Variants in AUTS2 observed in about 807,000 individuals in gnomAD.
AUTS2 encodes the protein autism susceptibility gene 2 protein.
A neutral mutation model predicts 112.4 loss-of-function variants in AUTS2; 17 were observed. The observed-to-expected ratio is 0.15, with a 90% CI of 0.10 to 0.23. The LOEUF is 0.23. Ranked by LOEUF, AUTS2 falls within the 10% of genes least tolerant of loss-of-function variation. The pLI is 1.00. For missense variants in AUTS2, 1,510 were observed against 1,701.6 expected (o/e 0.89, Z 1.98); for synonymous variants, 751 against 702.7 (o/e 1.07, Z -1.09).
intron 5 of AUTS2, among the ~76,000 whole-genome samples, chr7:70,441,814 C>T (rs767475466): frequency 5.3e-5 from 8 of 152,200 alleles, no homozygotes; most frequent in Non-Finnish European, 1.0e-4. Context: ...TCAACACAAA[C>T]CACATGCCTA....
intron 5 of AUTS2, among the ~76,000 whole-genome samples, chr7:70,600,193 C>T (rs1803406428): frequency 6.6e-6 from 1 of 152,226 alleles, no homozygotes; most frequent in Non-Finnish European, 1.5e-5. Context: ...AAATGATTCA[C>T]AGTCCATCTT....
intron 4 of AUTS2, among the ~76,000 whole-genome samples, chr7:70,243,231 T>TTGTGTGTGTGTGTG (rs3078161): frequency 3.0e-5 from 4 of 131,670 alleles, no homozygotes; most frequent in Non-Finnish European, 1.6e-5. Flanking sequence ...GAATGTATCC[T>TTGTGTGTGTGTGTG]TGTGTGTGTG....
chr7:70,790,249 G>A lies in AUTS2; in HGVS notation c.3033G>A (p.Ser1011=), dbSNP rs773857623. Residue 1011 remains serine (S), a synonymous_variant, in exon 19 of 19, where the codon TCG becomes TCA. Coordinates refer to ENST00000342771, the MANE Select transcript of AUTS2 (RefSeq NM_015570.4). The surrounding 1 kb of genome is among the most constrained non-coding windows in gnomAD (Gnocchi z 7.6). ...CGGAGCCGCCGCCTCCCAACTCCTC[G>A]TCCAGCGTGCACCCGGGGCCCCTGG... ...RASEPPPPNS[S]SSVHPGPLAS... The A allele has an allele frequency of 6.8e-6, 11 of 1,612,778 alleles. No individual in the cohort carries two copies. Among genetic ancestry groups the A allele is most frequent in the East Asian group, 4.5e-5 (2 of 44,834 alleles).
At chr7:69,956,681 G>A (rs995757500) in intron 2 of AUTS2, among the ~76,000 whole-genome samples, 2 of 152,080 alleles carry the variant, frequency 1.3e-5, no homozygotes, top group Non-Finnish European at 2.9e-5. Context: ...AGCATCACTC[G>A]GGCTGTGAAA....
At chr7:70,776,126 A>G (rs757508667) in intron 13 of AUTS2, among the ~76,000 whole-genome samples, 1 of 152,252 alleles carries the variant, frequency 6.6e-6, no homozygotes, top group Non-Finnish European at 1.5e-5. Flanking sequence ...TCATTGCAAG[A>G]GAAGAGAACT....
chr7:70,783,538 T>TAGAC (rs1226058847), intron 15 of AUTS2: 1 of 152,250 alleles, frequency 6.6e-6, no homozygotes, highest in African/African-American at 2.4e-5. Flanking sequence ...TATAGGAACT[T>TAGAC]AGACAAAATG....
At chr7:69,721,428 C>G (rs559987666) in intron 1 of AUTS2, among the ~76,000 whole-genome samples, 4 of 152,336 alleles carry the variant, frequency 2.6e-5, no homozygotes, top group African/African-American at 9.6e-5. Flanking sequence ...ATTATCACCT[C>G]ACACATGGTT....
At chr7:69,788,134 T>TACCCC (rs1554371090) in intron 1 of AUTS2, among the ~76,000 whole-genome samples, 3 of 152,164 alleles carry the variant, frequency 2.0e-5, no homozygotes, top group Non-Finnish European at 4.4e-5. Flanking sequence ...ACTACTTTGT[T>TACCCC]ACCCCACCCC....
intron 4 of AUTS2, among the ~76,000 whole-genome samples, chr7:70,217,813 T>C (rs902310040): frequency 2.0e-5 from 3 of 152,208 alleles, no homozygotes; most frequent in African/African-American, 7.2e-5. Context: ...GCTGCAACAA[T>C]GGACTTCTGT....
chr7:69,885,766 A>G (rs1794246667), intron 1 of AUTS2, among the ~76,000 whole-genome samples: 1 of 152,186 alleles, frequency 6.6e-6, no homozygotes, highest in Non-Finnish European at 1.5e-5. Context: ...GAATTCAATG[A>G]GGTGATTATT....
intron 5 of AUTS2, among the ~76,000 whole-genome samples, chr7:70,689,509 G>C (rs1774667868): frequency 6.6e-6 from 1 of 151,978 alleles, no homozygotes; most frequent in African/African-American, 2.4e-5. Flanking sequence ...AGGCACGGTG[G>C]CTCATGCCTG....
At chr7:70,711,045 C>G (rs12113050) in intron 6 of AUTS2, among the ~76,000 whole-genome samples, 79 of 152,346 alleles carry the variant, frequency 5.2e-4, no homozygotes, top group African/African-American at 1.8e-3. Flanking sequence ...CATTTCCCCG[C>G]TGGTCTTGCC....
intron 4 of AUTS2, among the ~76,000 whole-genome samples, chr7:70,205,181 C>T (rs908187186): frequency 2.6e-5 from 4 of 152,102 alleles, no homozygotes; most frequent in Non-Finnish European, 4.4e-5. Flanking sequence ...GCTGGGACTT[C>T]AGGAATGCAC....
chr7:69,606,771 C>G (rs1792743186), intron 1 of AUTS2, among the ~76,000 whole-genome samples: 1 of 152,158 alleles, frequency 6.6e-6, no homozygotes, highest in South Asian at 2.1e-4. Context: ...AAACTTGAGA[C>G]AGGAGAAGAT....
In AUTS2 at chr7:69,967,490, G is replaced by A. The variant is rs368995210; in HGVS notation, c.522+67992G>A. The stretch of plus-strand genomic sequence containing the variant: ...AAGGCAGTCCTGGAGTGCAGTTTCC[G>A]GAGCAAGATCACACACAGTGTTTTA... On this transcript the variant is annotated intron_variant, in intron 2 of 18. Coordinates refer to ENST00000342771, the MANE Select transcript of AUTS2 (RefSeq NM_015570.4). Among the ~76,000 whole-genome samples the A allele has an allele frequency of 1.7e-4, 26 of 152,104 alleles. No individual in the cohort carries two copies. The South Asian group carries it at 2.5e-3, about 15-fold the overall frequency.
At chr7:70,371,268 T>G (rs1585068932) in intron 4 of AUTS2, among the ~76,000 whole-genome samples, 1 of 152,222 alleles carries the variant, frequency 6.6e-6, no homozygotes, top group East Asian at 1.9e-4. Context: ...GTATCTGTAG[T>G]TTTTAAAATC....
intron 4 of AUTS2, among the ~76,000 whole-genome samples, chr7:70,226,360 A>ATTTTT (rs34184657): frequency 7.3e-6 from 1 of 136,412 alleles, no homozygotes. Context: ...TGCCCGGCTA[A>ATTTTT]TTTTTTTTTT....
chr7:70,761,652 A>G (rs778713816), intron 6 of AUTS2, among the ~76,000 whole-genome samples: 2 of 152,088 alleles, frequency 1.3e-5, no homozygotes, highest in Non-Finnish European at 2.9e-5. Flanking sequence ...TGAGATTTTT[A>G]TGGAGTTTGG....
intron 2 of AUTS2, among the ~76,000 whole-genome samples, chr7:69,911,426 G>T (rs1189264172): frequency 6.6e-6 from 1 of 152,176 alleles, no homozygotes; most frequent in African/African-American, 2.4e-5. Context: ...TGGCGAGCAG[G>T]GGGGAAAGTG....
Sources: allele counts gnomAD v4.1 joint callset (sites outside exome capture counted in the v4.1 genomes callset), GRCh38; gene constraint gnomAD v4.1.1; non-coding constraint Gnocchi (gnomAD v3.1); transcripts MANE v1.5; gene names NCBI Gene and HGNC (gene_info 2026-07-23, HGNC 2026-07-21).